Variants in CDH13 observed in about 807,000 individuals in gnomAD.
CDH13 encodes the protein cadherin-13.
CDH13 carries 24 observed loss-of-function variants against 63.8 expected under a neutral mutation model. The ratio of observed to expected loss-of-function variants is 0.38; its 90% CI spans 0.27 to 0.53. The LOEUF is 0.53. CDH13 is among the 20% of genes least tolerant of loss of function. CDH13 has a pLI of 0.85. For synonymous variants in CDH13, 503 were observed against 355.3 expected, an observed-to-expected ratio of 1.42 and a Z score of -4.67; for missense variants, 1,049 against 903.1, an observed-to-expected ratio of 1.16 and a Z score of -2.07.
In CDH13 at chr16:82,932,225, C is replaced by T. The variant is rs150107131; in HGVS notation, c.157+73752C>T. Among the ~76,000 whole-genome samples, 707 of 152,140 alleles carry T rather than the reference C, an allele frequency of 4.6e-3. 6 individuals carry two copies. The highest frequency in any genetic ancestry group is 0.016 in the African/African-American group (665 of 41,504). ...TGCTATATTTTTAGTATAAGTGTGTCCTGCCCAACATTGACACACACTTAT... is the reference window on the plus strand; with the variant it reads ...TGCTATATTTTTAGTATAAGTGTGTTCTGCCCAACATTGACACACACTTAT... On this transcript the variant is annotated intron_variant, in intron 2 of 13. Coordinates refer to ENST00000567109, the MANE Select transcript of CDH13 (RefSeq NM_001257.5).
chr16:82,994,240 T>C (rs1436802584), intron 2 of CDH13, among the ~76,000 whole-genome samples: 1 of 152,198 alleles, frequency 6.6e-6, no homozygotes, highest in African/African-American at 2.4e-5. Context: ...AGCTTTTCTG[T>C]TCAGTTCTTG....
At chr16:82,676,076 C>G (rs930904516) in intron 1 of CDH13, among the ~76,000 whole-genome samples, 1 of 152,184 alleles carries the variant, frequency 6.6e-6, no homozygotes, top group Admixed American at 6.5e-5. Flanking sequence ...TGGCAACATT[C>G]TAGGTGCTTT....
chr16:83,083,994 G>A (rs1380614318), intron 3 of CDH13, among the ~76,000 whole-genome samples: 1 of 152,180 alleles, frequency 6.6e-6, no homozygotes, highest in African/African-American at 2.4e-5. Context: ...TTTGCAATGA[G>A]TTTAGAAAGC....
intron 6 of CDH13, among the ~76,000 whole-genome samples, chr16:83,446,576 C>T (rs563659651): frequency 4.1e-4 from 63 of 152,266 alleles, no homozygotes; most frequent in African/African-American, 1.5e-3. Context: ...AGAAAAACCA[C>T]ACAGGGATTT....
chr16:83,712,430 G>GA (rs1162282361), intron 10 of CDH13, among the ~76,000 whole-genome samples: 2 of 152,062 alleles, frequency 1.3e-5, no homozygotes, highest in African/African-American at 4.8e-5. Context: ...ATGCATCTAA[G>GA]AAAAAAATGC....
At chr16:83,570,528 C>T (rs553512158) in intron 7 of CDH13, among the ~76,000 whole-genome samples, 1 of 151,988 alleles carries the variant, frequency 6.6e-6, no homozygotes, top group Admixed American at 6.6e-5. Context: ...CATGGTCTAG[C>T]GTGGAACAGC....
At chr16:83,148,307 C>CCATGTAGACAA in intron 4 of CDH13, among the ~76,000 whole-genome samples, 1 of 147,504 alleles carries the variant, frequency 6.8e-6, no homozygotes. Flanking sequence ...ATGGGTGGTA[C>CCATGTAGACAA]CATGTAGACA....
intron 8 of CDH13, among the ~76,000 whole-genome samples, chr16:83,610,502 G>C (rs2150762426): frequency 6.6e-6 from 1 of 152,250 alleles, no homozygotes; most frequent in East Asian, 1.9e-4. Context: ...GTTCCTGCTA[G>C]TCCCACCACC....
rs112682471 is a variant in CDH13, at chr16:83,341,403, C to T, written c.637-3459C>T. ...GTATGAGAACAGTGATGAAAACTCA[C>T]GGGAATGTCAGATTTTGTTACGGTA... On this transcript the variant is annotated intron_variant, in intron 5 of 13. Transcript: ENST00000567109. 6.6e-5 allele frequency among the ~76,000 whole-genome samples: 10 copies of T among 152,254 alleles called. 1 individual carries two copies. The highest frequency in any genetic ancestry group is 2.2e-4 in the African/African-American group (9 of 41,550).
chr16:83,604,546 G>A (rs982900495), intron 8 of CDH13, among the ~76,000 whole-genome samples: 2 of 152,134 alleles, frequency 1.3e-5, no homozygotes, highest in Non-Finnish European at 2.9e-5. Flanking sequence ...AATGCTTTGT[G>A]TTTCTCTAAC....
intron 2 of CDH13, among the ~76,000 whole-genome samples, chr16:83,015,334 G>A (rs562683996): frequency 6.3e-4 from 96 of 151,552 alleles, no homozygotes; most frequent in Middle Eastern, 6.8e-3. Context: ...TCTAAAGGGC[G>A]CTGCAATTCA....
In CDH13 at chr16:83,231,823, C is replaced by A. The variant is rs371832408; in HGVS notation, c.636+14326C>A. Among the ~76,000 whole-genome samples, 287 of 152,262 alleles carry A rather than the reference C, an allele frequency of 1.9e-3. 1 individual carries two copies. Among genetic ancestry groups the A allele is most frequent in the Middle Eastern group, 6.8e-3 (2 of 294 alleles). On this transcript the variant is annotated intron_variant, in intron 5 of 13. Coordinates refer to ENST00000567109, the MANE Select transcript of CDH13 (RefSeq NM_001257.5). ...TTATATTGAAATGCGACCCCCAGCA[C>A]TGGAGGTGGGGCCTGGTGGGAGGTG...
chr16:83,004,761 G>T (rs1167230991), intron 2 of CDH13, among the ~76,000 whole-genome samples: 1 of 152,162 alleles, frequency 6.6e-6, no homozygotes, highest in Non-Finnish European at 1.5e-5. Context: ...CCAAAGGGCT[G>T]GGATTACAGG....
chr16:83,614,951 G>A (rs1392700952), intron 8 of CDH13, among the ~76,000 whole-genome samples: 1 of 152,100 alleles, frequency 6.6e-6, no homozygotes, highest in Non-Finnish European at 1.5e-5. Context: ...AGCAAGAAGG[G>A]AACTCTAAAT....
intron 6 of CDH13, among the ~76,000 whole-genome samples, chr16:83,446,386 T>C (rs370501290): frequency 1.8e-3 from 271 of 151,860 alleles, no homozygotes; most frequent in African/African-American, 6.4e-3. Context: ...TAGGCATAGA[T>C]GGTCAGCTGA....
intron 5 of CDH13, among the ~76,000 whole-genome samples, chr16:83,306,818 G>T (rs1395149437): frequency 6.6e-6 from 1 of 152,120 alleles, no homozygotes; most frequent in African/African-American, 2.4e-5. Flanking sequence ...AAGCTGGGAA[G>T]CACATGAAAT....
At chr16:82,666,812 T>C (rs1041815228) in intron 1 of CDH13, among the ~76,000 whole-genome samples, 1 of 152,188 alleles carries the variant, frequency 6.6e-6, no homozygotes, top group Admixed American at 6.5e-5. Context: ...AAGTAGAACA[T>C]TTAATCCCAG....
chr16:83,489,758 T>C (rs1181019729), intron 7 of CDH13, among the ~76,000 whole-genome samples: 1 of 152,168 alleles, frequency 6.6e-6, no homozygotes, highest in Non-Finnish European at 1.5e-5. Flanking sequence ...AGGCCTGTCT[T>C]AGGTGTGGTT....
chr16:82,988,005 G>T (rs918008984), intron 2 of CDH13, among the ~76,000 whole-genome samples: 4 of 152,138 alleles, frequency 2.6e-5, no homozygotes, highest in African/African-American at 9.7e-5. Flanking sequence ...TACCCTCCCA[G>T]CAGAGCACTC....
Sources: allele counts gnomAD v4.1 joint callset (sites outside exome capture counted in the v4.1 genomes callset), GRCh38; gene constraint gnomAD v4.1.1; transcripts MANE v1.5; gene names NCBI Gene and HGNC (gene_info 2026-07-23, HGNC 2026-07-21).